The following RPS6KC1 variants were observed in gnomAD, a reference collection of about 807,000 sequenced individuals.
The protein encoded by RPS6KC1 is inactive ribosomal protein S6 kinase delta-1.
A neutral mutation model predicts 103.8 loss-of-function variants in RPS6KC1; 54 were observed. The ratio of observed to expected loss-of-function variants is 0.52; its 90% CI spans 0.42 to 0.65. The LOEUF (loss-of-function observed/expected upper bound fraction) is 0.65, where lower values mean the gene tolerates loss of function less well. Ranked by LOEUF, RPS6KC1 falls within the 30% of genes least tolerant of loss-of-function variation. The pLI, the probability that RPS6KC1 is intolerant of heterozygous loss-of-function variation, is 0.00. For missense variants in RPS6KC1, 1,151 were observed against 1,253.8 expected (o/e 0.92, Z 1.24); for synonymous variants, 439 against 438.7 (o/e 1.00, Z -0.01).
chr1:213,657,632 T>C, the RPS6KC1 span, among the ~76,000 whole-genome samples: 1 of 152,244 alleles, frequency 6.6e-6, no homozygotes. Context: ...AGAATTCAAT[T>C]CCAGGCAGAA....
chr1:213,541,181 C>A, the RPS6KC1 span, among the ~76,000 whole-genome samples: 74 of 23,308 alleles, frequency 3.2e-3, no homozygotes, highest in Non-Finnish European at 3.8e-4. Context: ...GGAAGAGAGA[C>A]AAGGAATTGC....
At chr1:213,470,186 A>G in the RPS6KC1 span, among the ~76,000 whole-genome samples, 1 of 152,224 alleles carries the variant, frequency 6.6e-6, no homozygotes, top group Non-Finnish European at 1.5e-5. Flanking sequence ...CGTCACACTT[A>G]GTTGATATGG....
the RPS6KC1 span, among the ~76,000 whole-genome samples, chr1:213,544,154 C>T: frequency 6.6e-6 from 1 of 152,076 alleles, no homozygotes; most frequent in African/African-American, 2.4e-5. Context: ...AAACATATCA[C>T]ATAAGGTTAA....
At chr1:213,824,609 G>A in the RPS6KC1 span, among the ~76,000 whole-genome samples, 2 of 152,156 alleles carry the variant, frequency 1.3e-5, no homozygotes, top group African/African-American at 4.8e-5. Context: ...GAATCATGGG[G>A]GCAGGTCTTG....
chr1:213,336,571 A>G, the RPS6KC1 span, among the ~76,000 whole-genome samples: 1 of 152,188 alleles, frequency 6.6e-6, no homozygotes, highest in Non-Finnish European at 1.5e-5. Flanking sequence ...GATACCTAAC[A>G]TTTGTTTGGC....
chr1:213,511,622 C>T, the RPS6KC1 span, among the ~76,000 whole-genome samples: 7 of 152,204 alleles, frequency 4.6e-5, no homozygotes, highest in Non-Finnish European at 7.3e-5. Flanking sequence ...ACCTCTGGCA[C>T]CCCTATGTCT....
the RPS6KC1 span, among the ~76,000 whole-genome samples, chr1:213,674,643 C>G: frequency 7.2e-5 from 11 of 152,062 alleles, no homozygotes; most frequent in African/African-American, 2.7e-4. Flanking sequence ...AGTTTATTTT[C>G]TTTTGGATAT....
the RPS6KC1 span, among the ~76,000 whole-genome samples, chr1:213,393,042 C>G: frequency 6.6e-6 from 1 of 152,176 alleles, no homozygotes; most frequent in Non-Finnish European, 1.5e-5. Flanking sequence ...CTAATTTCAA[C>G]CAATAATTAG....
the RPS6KC1 span, among the ~76,000 whole-genome samples, chr1:213,536,399 C>T: frequency 6.6e-6 from 1 of 152,124 alleles, no homozygotes; most frequent in Non-Finnish European, 1.5e-5. Flanking sequence ...ATGCATTGGG[C>T]AGACAATCAG....
the RPS6KC1 span, among the ~76,000 whole-genome samples, chr1:213,719,924 T>C: frequency 6.6e-6 from 1 of 152,182 alleles, no homozygotes; most frequent in Non-Finnish European, 1.5e-5. Flanking sequence ...TTCTATTCTA[T>C]CCTATTTCAT....
chr1:213,721,735 C>A, the RPS6KC1 span, among the ~76,000 whole-genome samples: 1 of 152,296 alleles, frequency 6.6e-6, no homozygotes, highest in East Asian at 1.9e-4. Context: ...TGCACACCCA[C>A]CCAAGAGAGT....
At chr1:213,122,173 A>T (rs184391237) in intron 5 of RPS6KC1, among the ~76,000 whole-genome samples, 349 of 152,208 alleles carry the variant, frequency 2.3e-3, no homozygotes, top group African/African-American at 8.2e-3. Context: ...ACATTTAAGA[A>T]TATTAATTCT....
intron 8 of RPS6KC1, among the ~76,000 whole-genome samples, chr1:213,178,284 A>C (rs1421590598): frequency 6.6e-6 from 1 of 151,912 alleles, no homozygotes; most frequent in Non-Finnish European, 1.5e-5. Flanking sequence ...TCATGCCTGT[A>C]ATCTCAGCAC....
chr1:213,279,943 C>G, the RPS6KC1 span, among the ~76,000 whole-genome samples: 1 of 152,198 alleles, frequency 6.6e-6, no homozygotes, highest in Non-Finnish European at 1.5e-5. Context: ...TTAACAAGCC[C>G]TTTCAGATGA....
At chr1:213,166,469 A>G (rs1236837233) in intron 6 of RPS6KC1, among the ~76,000 whole-genome samples, 2 of 152,234 alleles carry the variant, frequency 1.3e-5, no homozygotes, top group African/African-American at 2.4e-5. Context: ...TCAACTGAGT[A>G]GAAAAGCCCT....
At chr1:213,275,468 G>A (rs567795926), downstream of RPS6KC1, among the ~76,000 whole-genome samples, 1 of 152,220 alleles carries the variant, frequency 6.6e-6, no homozygotes, top group African/African-American at 2.4e-5. Flanking sequence ...TGTCAAAGAT[G>A]GATAAGTTAA....
the RPS6KC1 span, among the ~76,000 whole-genome samples, chr1:213,326,675 G>A: frequency 6.6e-6 from 1 of 152,226 alleles, no homozygotes; most frequent in African/African-American, 2.4e-5. Context: ...AGGCTTGTTT[G>A]TGGCTCGGAT....
the RPS6KC1 span, among the ~76,000 whole-genome samples, chr1:213,751,545 C>A: frequency 3.3e-5 from 5 of 152,158 alleles, no homozygotes; most frequent in African/African-American, 1.2e-4. Context: ...ACAAGCCCAG[C>A]TGCCCTGATG....
chr1:213,358,252 T>C, the RPS6KC1 span, among the ~76,000 whole-genome samples: 1 of 152,194 alleles, frequency 6.6e-6, no homozygotes, highest in Non-Finnish European at 1.5e-5. Context: ...CGGCTGTGAA[T>C]CCATCTGGTC....
Sources: gnomAD v4.1 joint callset for allele counts (sites outside exome capture counted in the v4.1 genomes callset) on GRCh38, gnomAD v4.1.1 for gene constraint, MANE v1.5 for transcripts, NCBI Gene and HGNC (gene_info 2026-07-23, HGNC 2026-07-21) for gene names.